NEMP2: variants seen among roughly 807,000 people sequenced by gnomAD.
NEMP2 encodes the protein UPF0571 transmembrane protein.
NEMP2 carries 53 observed loss-of-function variants against 54.2 expected under a neutral mutation model. The ratio of observed to expected loss-of-function variants is 0.98; its 90% CI spans 0.78 to 1.23. The LOEUF is 1.23. Among genes scored for constraint, NEMP2 ranks in the 50% most tolerant of loss-of-function variants. NEMP2 has a pLI of 0.00. For missense variants in NEMP2, 455 were observed against 511.3 expected, an observed-to-expected ratio of 0.89 and a Z score of 1.06; for synonymous variants, 197 against 190.3, an observed-to-expected ratio of 1.04 and a Z score of -0.29.
chr2:190,455,503 C>T, the NEMP2 span, among the ~76,000 whole-genome samples: 1 of 152,174 alleles, frequency 6.6e-6, no homozygotes, highest in African/African-American at 2.4e-5. Flanking sequence ...TTGAGTCTTG[C>T]TTCTGCAGTT....
At chr2:190,631,775 G>A in the NEMP2 span, among the ~76,000 whole-genome samples, 3 of 152,310 alleles carry the variant, frequency 2.0e-5, no homozygotes, top group South Asian at 6.2e-4. Context: ...GATACCATGG[G>A]CTGGGCATGG....
At chr2:190,543,154 C>T in the NEMP2 span, among the ~76,000 whole-genome samples, 1 of 152,294 alleles carries the variant, frequency 6.6e-6, no homozygotes, top group South Asian at 2.1e-4. The surrounding 1 kb of genome is among the most constrained non-coding windows in gnomAD (Gnocchi z 4.7). Flanking sequence ...TAATAAATAA[C>T]CAGAGTGCCA....
the NEMP2 span, among the ~76,000 whole-genome samples, chr2:190,499,117 C>T: frequency 1.3e-5 from 2 of 152,124 alleles, no homozygotes; most frequent in African/African-American, 4.8e-5. The surrounding 1 kb of genome is among the most constrained non-coding windows in gnomAD (Gnocchi z 6.0). Flanking sequence ...CACTGCACTC[C>T]GGCCTAGGCG....
chr2:190,622,539 T>G, the NEMP2 span, among the ~76,000 whole-genome samples: 1 of 152,130 alleles, frequency 6.6e-6, no homozygotes, highest in Non-Finnish European at 1.5e-5. Flanking sequence ...AAGGCCTAAA[T>G]GTAAGGGTAA....
At chr2:190,561,912 A>T in the NEMP2 span, among the ~76,000 whole-genome samples, 4 of 152,142 alleles carry the variant, frequency 2.6e-5, no homozygotes, top group Non-Finnish European at 5.9e-5. The surrounding 1 kb of genome is among the most constrained non-coding windows in gnomAD (Gnocchi z 5.4). Context: ...AACTTTTAAA[A>T]TTTTTTAAAA....
chr2:190,471,824 A>T, the NEMP2 span, among the ~76,000 whole-genome samples: 2 of 152,214 alleles, frequency 1.3e-5, no homozygotes, highest in Non-Finnish European at 2.9e-5. This position sits in a 1 kb window ranked among gnomAD's most constrained non-coding sequence, Gnocchi z 4.7. Flanking sequence ...AAGTAGCCTA[A>T]CTGGGAGGCA....
chr2:190,565,440 T>G, the NEMP2 span, among the ~76,000 whole-genome samples: 1 of 152,242 alleles, frequency 6.6e-6, no homozygotes, highest in African/African-American at 2.4e-5. Flanking sequence ...CAACATTTTC[T>G]TGGGTTGGGT....
the NEMP2 span, among the ~76,000 whole-genome samples, chr2:190,575,093 G>C: frequency 6.6e-6 from 1 of 151,910 alleles, no homozygotes; most frequent in Non-Finnish European, 1.5e-5. Context: ...CTGACCTTAT[G>C]ATCTGCCCGC....
chr2:190,495,181 T>C, the NEMP2 span, among the ~76,000 whole-genome samples: 1 of 147,808 alleles, frequency 6.8e-6, no homozygotes, highest in African/African-American at 2.4e-5. This position sits in a 1 kb window ranked among gnomAD's most constrained non-coding sequence, Gnocchi z 4.7. Context: ...TGTACACAAA[T>C]CAGTAGCTCT....
the NEMP2 span, among the ~76,000 whole-genome samples, chr2:190,485,004 CA>C: frequency 6.6e-6 from 1 of 152,140 alleles, no homozygotes; most frequent in Non-Finnish European, 1.5e-5. The surrounding 1 kb of genome is among the most constrained non-coding windows in gnomAD (Gnocchi z 5.1). Flanking sequence ...TAATCAGTCT[CA>C]AAAGCAATAT....
At chr2:190,487,653 C>T in the NEMP2 span, among the ~76,000 whole-genome samples, 2 of 152,108 alleles carry the variant, frequency 1.3e-5, no homozygotes, top group East Asian at 1.9e-4. This position sits in a 1 kb window ranked among gnomAD's most constrained non-coding sequence, Gnocchi z 5.5. Context: ...AAAAGGTGCT[C>T]GACATCACTA....
chr2:190,479,787 G>A, the NEMP2 span, among the ~76,000 whole-genome samples: 1 of 152,142 alleles, frequency 6.6e-6, no homozygotes, highest in African/African-American at 2.4e-5. Context: ...GAGTGAAAAC[G>A]AGGTCTGGGT....
chr2:190,517,987 C>G (rs937761439), intron 4 of NEMP2, among the ~76,000 whole-genome samples: 1 of 152,190 alleles, frequency 6.6e-6, no homozygotes, highest in Admixed American at 6.5e-5. Context: ...GGGATTACAG[C>G]CCAGCTCGTC....
the NEMP2 span, among the ~76,000 whole-genome samples, chr2:190,559,516 T>C: frequency 6.6e-6 from 1 of 152,072 alleles, no homozygotes; most frequent in Non-Finnish European, 1.5e-5. The surrounding 1 kb of genome is among the most constrained non-coding windows in gnomAD (Gnocchi z 4.0). Flanking sequence ...CACCTTCACT[T>C]CAGAGGATGA....
At chr2:190,502,362 C>T (rs1553527699), downstream of NEMP2, 1 of 152,190 alleles carries the variant, frequency 6.6e-6, no homozygotes, top group Non-Finnish European at 1.5e-5. This position sits in a 1 kb window ranked among gnomAD's most constrained non-coding sequence, Gnocchi z 4.4. Flanking sequence ...TCAACACACA[C>T]AGGGGTGTCA....
the NEMP2 span, chr2:190,436,102 C>G: frequency 1.2e-6 from 2 of 1,614,192 alleles, no homozygotes; most frequent in Non-Finnish European, 1.7e-6. The surrounding 1 kb of genome is among the most constrained non-coding windows in gnomAD (Gnocchi z 5.3). Context: ...GCTTGCAGAT[C>G]CCTTTAATGG....
At chr2:190,537,185 A>G (rs1013929898), upstream of NEMP2, among the ~76,000 whole-genome samples, 1 of 152,272 alleles carries the variant, frequency 6.6e-6, no homozygotes, top group Non-Finnish European at 1.5e-5. Context: ...TGGAAAGGCT[A>G]GAAATTAAAA....
chr2:190,572,712 G>A, the NEMP2 span, among the ~76,000 whole-genome samples: 1 of 150,926 alleles, frequency 6.6e-6, no homozygotes, highest in East Asian at 1.9e-4. Context: ...TAAAGTAGTG[G>A]CTTTGTAATG....
the NEMP2 span, among the ~76,000 whole-genome samples, chr2:190,605,230 T>C: frequency 6.6e-6 from 1 of 152,106 alleles, no homozygotes; most frequent in African/African-American, 2.4e-5. Context: ...CAGAATTCCT[T>C]GGCATGGTAT....
Sources: allele counts gnomAD v4.1 joint callset (sites outside exome capture counted in the v4.1 genomes callset), GRCh38; gene constraint gnomAD v4.1.1; non-coding constraint Gnocchi (gnomAD v3.1); transcripts MANE v1.5; gene names NCBI Gene and HGNC (gene_info 2026-07-23, HGNC 2026-07-21).